Variants in FBXO34 observed in about 807,000 individuals in gnomAD.
FBXO34 encodes F-box only protein 34.
In FBXO34, 12 loss-of-function variants were observed where a neutral mutation model predicts 24.5. That is an observed-to-expected ratio of 0.49 (90% CI 0.31 to 0.79). The LOEUF is 0.79. FBXO34 is among the 30% of genes least tolerant of loss of function. The pLI is 0.04. For missense variants in FBXO34, 823 were observed against 857.7 expected (o/e 0.96, Z 0.51); for synonymous variants, 320 against 311.9 (o/e 1.03, Z -0.27).
the FBXO34 span, among the ~76,000 whole-genome samples, chr14:55,420,001 G>C: frequency 6.6e-6 from 1 of 152,182 alleles, no homozygotes; most frequent in Non-Finnish European, 1.5e-5. Flanking sequence ...TTAGGGAGGA[G>C]CCTGAAAGGA....
At chr14:55,323,225 A>ATTTTT (rs1194283087) in intron 1 of FBXO34, among the ~76,000 whole-genome samples, 1 of 19,204 alleles carries the variant, frequency 5.2e-5, no homozygotes, top group Non-Finnish European at 7.0e-5. Flanking sequence ...AAAAATATAT[A>ATTTTT]TTTTTTTTTT....
chr14:55,403,383 T>A, the FBXO34 span, among the ~76,000 whole-genome samples: 1 of 152,156 alleles, frequency 6.6e-6, no homozygotes, highest in Admixed American at 6.5e-5. Flanking sequence ...CAGTTCTAAC[T>A]ACACTCGCTT....
chr14:55,336,692 T>C (rs1685620559), intron 1 of FBXO34, among the ~76,000 whole-genome samples: 1 of 152,160 alleles, frequency 6.6e-6, no homozygotes. Context: ...CCCAACCATT[T>C]CTTTTCTCCC....
Position 55,350,366 on chromosome 14 carries a change from A to T in FBXO34, c.-10-15A>T, listed in dbSNP as rs1028520065. The T allele has an allele frequency of 3.4e-6, 5 of 1,484,708 alleles. No individual in the cohort carries two copies. The highest frequency in any genetic ancestry group is 4.5e-6 in the Non-Finnish European group (5 of 1,119,466). The allele number at this position is 1,484,708 out of a possible 1,614,324, so 92.0% of individuals were successfully genotyped here. A position where few individuals can be genotyped will look rare whatever the true frequency, so the allele number is the denominator to read the frequency against. On this transcript the variant is annotated splice_polypyrimidine_tract_variant and intron_variant, in intron 1 of 1. Coordinates refer to ENST00000313833, the MANE Select transcript of FBXO34 (RefSeq NM_017943.4). ...AAATTGGTTTCTGAATCAAATGTGT[A>T]TTTCTTTCCTATAGGGGCTTTGTTA...
At chr14:55,367,117 A>G (rs1884696635) in intron 2 of FBXO34, 1 of 152,522 alleles carries the variant, frequency 6.6e-6, no homozygotes, top group Non-Finnish European at 1.5e-5. Context: ...ACTCTAGATG[A>G]GTTTGTGATC....
In FBXO34 at chr14:55,330,972, A is replaced by G. The variant is rs570740406; in HGVS notation, c.-10-19409A>G. Among the ~76,000 whole-genome samples, 2 of 152,308 alleles carry G rather than the reference A, an allele frequency of 1.3e-5. 1 individual carries two copies. The highest frequency in any genetic ancestry group is 4.8e-5 in the African/African-American group (2 of 41,578). On this transcript the variant is annotated intron_variant, in intron 1 of 1. Transcript: ENST00000313833. ...GTCTCTGAAAGAGTGCTTGGTACAT[A>G]GCAGATGCTCAGTATATATTGAGTG...
downstream of FBXO34, among the ~76,000 whole-genome samples, chr14:55,373,607 C>T (rs1884863446): frequency 6.6e-6 from 1 of 151,936 alleles, no homozygotes; most frequent in South Asian, 2.1e-4. Context: ...TTACAGGCAC[C>T]CGCCACCACG....
downstream of FBXO34, among the ~76,000 whole-genome samples, chr14:55,374,655 A>AT (rs1170260736): frequency 1.3e-5 from 2 of 152,064 alleles, no homozygotes; most frequent in African/African-American, 4.8e-5. Flanking sequence ...TTATAGCTGT[A>AT]TTTTTTTAAA....
At chr14:55,331,577 C>A in intron 1 of FBXO34, among the ~76,000 whole-genome samples, 1 of 132,138 alleles carries the variant, frequency 7.6e-6, no homozygotes, top group Non-Finnish European at 1.6e-5. Context: ...ACACACATAC[C>A]AACATGGTGT....
At chr14:55,368,658 C>T (rs1884740282), downstream of FBXO34, 1 of 152,252 alleles carries the variant, frequency 6.6e-6, no homozygotes, top group African/African-American at 2.4e-5. Context: ...GGATGGTTTC[C>T]CCTGAAAACA....
At chr14:55,279,264 C>A (rs1438295548) in intron 1 of FBXO34, among the ~76,000 whole-genome samples, 1 of 140,942 alleles carries the variant, frequency 7.1e-6, no homozygotes, top group Non-Finnish European at 1.5e-5. Flanking sequence ...CCAGCCTGGG[C>A]GACATAAGCG....
the FBXO34 span, among the ~76,000 whole-genome samples, chr14:55,384,365 T>C: frequency 9.8e-5 from 15 of 152,296 alleles, no homozygotes; most frequent in East Asian, 2.7e-3. Context: ...TTCAGGAAAA[T>C]ATTATACAAT....
At chr14:55,381,444 T>C in the FBXO34 span, among the ~76,000 whole-genome samples, 1 of 152,228 alleles carries the variant, frequency 6.6e-6, no homozygotes, top group Non-Finnish European at 1.5e-5. Flanking sequence ...AACGTCCTCT[T>C]ACATAAACAA....
At chr14:55,290,243 A>T (rs1260689736) in intron 1 of FBXO34, among the ~76,000 whole-genome samples, 3 of 151,924 alleles carry the variant, frequency 2.0e-5, no homozygotes, top group African/African-American at 7.3e-5. Context: ...AAAAATGCAA[A>T]ATTAGCCTGG....
intron 1 of FBXO34, among the ~76,000 whole-genome samples, chr14:55,293,308 G>C (rs1167880461): frequency 6.6e-6 from 1 of 152,086 alleles, no homozygotes; most frequent in Non-Finnish European, 1.5e-5. Context: ...CACTCGAGTA[G>C]CTGGGATTAC....
the FBXO34 span, among the ~76,000 whole-genome samples, chr14:55,422,860 A>AAAAC: frequency 6.6e-5 from 10 of 152,118 alleles, no homozygotes; most frequent in Non-Finnish European, 1.3e-4. Context: ...CTCAAAAACA[A>AAAAC]AAACAAACAA....
chr14:55,314,137 C>T (rs190695432), intron 1 of FBXO34, among the ~76,000 whole-genome samples: 1 of 152,106 alleles, frequency 6.6e-6, no homozygotes, highest in East Asian at 1.9e-4. Context: ...TCTGGAACTC[C>T]TAGGCTCAAG....
chr14:55,418,176 A>C, the FBXO34 span, among the ~76,000 whole-genome samples: 2 of 152,208 alleles, frequency 1.3e-5, no homozygotes, highest in African/African-American at 4.8e-5. Context: ...TAATTTATTT[A>C]TGTCTGTCTC....
chr14:55,404,350 A>C, the FBXO34 span, among the ~76,000 whole-genome samples: 6 of 152,172 alleles, frequency 3.9e-5, no homozygotes, highest in Middle Eastern at 3.2e-3. Context: ...CTCCCTTCTA[A>C]AAGAAAACAC....
Sources: gnomAD v4.1 joint callset for allele counts (sites outside exome capture counted in the v4.1 genomes callset) on GRCh38, gnomAD v4.1.1 for gene constraint, MANE v1.5 for transcripts, NCBI Gene and HGNC (gene_info 2026-07-23, HGNC 2026-07-21) for gene names.